GABRA4: variants seen among roughly 807,000 people sequenced by gnomAD.
GABRA4 encodes gamma-aminobutyric acid receptor subunit alpha-4.
Under a neutral mutation model 49.7 loss-of-function variants are expected in GABRA4, and 12 were observed. The ratio of observed to expected loss-of-function variants is 0.24; its 90% CI spans 0.15 to 0.39. The LOEUF is 0.39. Among genes scored for constraint, GABRA4 ranks in the 10% least tolerant of loss-of-function variants. The probability of loss-of-function intolerance (pLI) is 1.00; values close to 1 mark genes in which losing one functional copy is unlikely to be tolerated. For synonymous variants in GABRA4, 288 were observed against 240.2 expected (o/e 1.20, Z -1.84); for missense variants, 506 against 686.0 (o/e 0.74, Z 2.93).
chr4:46,992,770 C>G (rs974634838), intron 2 of GABRA4, 58 bp downstream of exon 2: 2 of 1,205,886 alleles, frequency 1.7e-6, no homozygotes, highest in East Asian at 4.7e-5. Flanking sequence ...GACAGACAGA[C>G]AGGAAGACCA....
intron 2 of GABRA4, chr4:46,992,529 C>T: frequency 2.4e-6 from 1 of 410,158 alleles, no homozygotes; most frequent in Non-Finnish European, 4.5e-6. Flanking sequence ...GTCCAGGCAG[C>T]TGAGCCCAGA....
At chr4:46,931,069 A>G (rs1371587548) in intron 8 of GABRA4, among the ~76,000 whole-genome samples, 1 of 152,098 alleles carries the variant, frequency 6.6e-6, no homozygotes, top group African/African-American at 2.4e-5. Flanking sequence ...CTAAACAAAG[A>G]GAGAACTCCA....
chr4:46,960,680 T>C (rs2109369145), intron 8 of GABRA4, among the ~76,000 whole-genome samples: 1 of 151,748 alleles, frequency 6.6e-6, no homozygotes, highest in South Asian at 2.1e-4. Flanking sequence ...CAAATAATTA[T>C]AATAATATTA....
chr4:46,943,098 C>A (rs977813877), intron 8 of GABRA4, among the ~76,000 whole-genome samples: 12 of 152,166 alleles, frequency 7.9e-5, no homozygotes, highest in Admixed American at 5.9e-4. Context: ...GAGTAGAGAC[C>A]AGCCCAAAGT....
At chr4:46,946,821 T>C (rs1721996686) in intron 8 of GABRA4, among the ~76,000 whole-genome samples, 1 of 152,084 alleles carries the variant, frequency 6.6e-6, no homozygotes, top group South Asian at 2.1e-4. Context: ...TCTTAAGTCA[T>C]CTTTTGAACA....
chr4:46,930,444 A>C (rs756049341), intron 8 of GABRA4, among the ~76,000 whole-genome samples: 3 of 152,090 alleles, frequency 2.0e-5, no homozygotes, highest in Non-Finnish European at 4.4e-5. Flanking sequence ...AAAAAGAACA[A>C]GGTATATCCT....
Position 46,922,559 on chromosome 4 carries a change from A to G in GABRA4, c.*5666T>C, listed in dbSNP as rs1050046475. 1 of 152,204 alleles carries G rather than the reference A, an allele frequency of 6.6e-6. No individual in the cohort carries two copies. Among genetic ancestry groups the G allele is most frequent in the Non-Finnish European group, 1.5e-5 (1 of 68,040 alleles). 9.4% of individuals were successfully genotyped at this position (152,204 alleles called of 1,614,324 possible). On this transcript the variant is annotated 3_prime_UTR_variant, in exon 9 of 9. Coordinates refer to ENST00000264318, the MANE Select transcript of GABRA4 (RefSeq NM_000809.4). Reference sequence around the variant, plus strand: ...AGAGTTTATATAAATAGGTCTCTGTAGTCTCAAAAAATATTATAGACATGA... The same window carrying G: ...AGAGTTTATATAAATAGGTCTCTGTGGTCTCAAAAAATATTATAGACATGA...
At chr4:46,966,380 A>C (rs958865686) in intron 7 of GABRA4, among the ~76,000 whole-genome samples, 1 of 151,810 alleles carries the variant, frequency 6.6e-6, no homozygotes, top group Non-Finnish European at 1.5e-5. Context: ...CAAATAATGC[A>C]TGTTCAACCA....
intron 8 of GABRA4, among the ~76,000 whole-genome samples, chr4:46,930,260 A>G (rs1013810365): frequency 5.3e-5 from 8 of 152,056 alleles, no homozygotes; most frequent in African/African-American, 1.9e-4. Context: ...ATCAAAATTG[A>G]CATCAACCTG....
Position 46,928,095 on chromosome 4 carries a change from CTTATATCTTTAAATGGAAAAA to C in GABRA4, c.*109_*129del. 1.3e-6 allele frequency: 1 copy of C among 784,044 alleles called. No homozygotes were observed. Among genetic ancestry groups the C allele is most frequent in the Non-Finnish European group, 1.9e-6 (1 of 520,418 alleles). The allele number at this position is 784,044 out of a possible 1,614,324, so 48.6% of individuals were successfully genotyped here. A position where few individuals can be genotyped will look rare whatever the true frequency, so the allele number is the denominator to read the frequency against. Reference sequence around the variant, plus strand: ...ATTAATTAACTCTCCCAATAACTGGCTTATATCTTTAAATGGAAAAATTACACAGAGTTTTTATTTTAGTAA... The same window carrying C: ...ATTAATTAACTCTCCCAATAACTGGCTTACACAGAGTTTTTATTTTAGTAA... On this transcript the variant is annotated 3_prime_UTR_variant, in exon 9 of 9. Coordinates refer to ENST00000264318, the MANE Select transcript of GABRA4 (RefSeq NM_000809.4).
intron 6 of GABRA4, 54 bp from the exon 7 acceptor site, chr4:46,971,289 A>G: frequency 6.7e-7 from 1 of 1,502,504 alleles, no homozygotes. Context: ...CAATTAGTCA[A>G]TGGCTTCATA....
intron 8 of GABRA4, among the ~76,000 whole-genome samples, chr4:46,933,735 G>T (rs1241833478): frequency 6.6e-6 from 1 of 152,188 alleles, no homozygotes; most frequent in African/African-American, 2.4e-5. Flanking sequence ...CGTACAGAGT[G>T]TAGAGACTTC....
chr4:46,975,336 A>G (rs1364243651), intron 5 of GABRA4, among the ~76,000 whole-genome samples: 1 of 151,974 alleles, frequency 6.6e-6, no homozygotes, highest in Admixed American at 6.6e-5. Flanking sequence ...CAGTTATATT[A>G]TGTGTCAGCA....
chr4:46,952,523 T>A (rs532883889), intron 8 of GABRA4, among the ~76,000 whole-genome samples: 7 of 152,240 alleles, frequency 4.6e-5, no homozygotes, highest in African/African-American at 1.7e-4. Flanking sequence ...ATAAAATAAG[T>A]CATACCCAAA....
intron 8 of GABRA4, 117 bp from the exon 9 acceptor site, chr4:46,928,872 TA>T: frequency 1.5e-6 from 1 of 665,790 alleles, no homozygotes; most frequent in Non-Finnish European, 2.5e-6. Flanking sequence ...ACTTTATTAA[TA>T]AGCTGTAGTC....
rs759828897 is a variant in GABRA4, at chr4:46,928,374, A to T, written c.1516T>A (p.Ser506Thr). ...CCAGATCCAGAAGGTGGTGGAGCCG[A>T]TGGAGGAGGAGTAGCTGACAACTTC... ...TGKLSATPPP[S>T]APPPSGSGTS... The change falls in exon 9 of 9, where the codon TCG (serine) becomes ACG (threonine). Residue 506 changes from serine to threonine, a missense_variant. By Grantham distance (58) the Ser-to-Thr change is moderately conservative (BLOSUM62 1). Around this residue, in one of 5 missense-constraint regions of GABRA4, gnomAD observed 243 missense variants for 210.8 expected, o/e 1.15. Transcript: ENST00000264318. The T allele has an allele frequency of 1.2e-6, 2 of 1,613,640 alleles. No homozygotes were observed. The highest frequency in any genetic ancestry group is 1.7e-6 in the Non-Finnish European group (2 of 1,179,692).
chr4:46,936,344 G>T (rs575133771), intron 8 of GABRA4, among the ~76,000 whole-genome samples: 1 of 152,264 alleles, frequency 6.6e-6, no homozygotes, highest in Non-Finnish European at 1.5e-5. Context: ...CTGCCTCCCA[G>T]GTTCAAGCAA....
At chr4:46,984,024 T>G (rs1306983057) in intron 2 of GABRA4, among the ~76,000 whole-genome samples, 1 of 152,020 alleles carries the variant, frequency 6.6e-6, no homozygotes, top group Non-Finnish European at 1.5e-5. Context: ...GGGAAGGCAA[T>G]TAACGATGAA....
At chr4:46,979,383 A>G (rs1723270006) in intron 2 of GABRA4, among the ~76,000 whole-genome samples, 1 of 152,088 alleles carries the variant, frequency 6.6e-6, no homozygotes, top group African/African-American at 2.4e-5. Context: ...CAGGCAATGC[A>G]GAGACACAAA....
Sources: gnomAD v4.1 joint callset for allele counts (sites outside exome capture counted in the v4.1 genomes callset) on GRCh38, gnomAD v4.1.1 for gene constraint, gnomAD v4.1.1 regional missense constraint, MANE v1.5 for transcripts, NCBI Gene and HGNC (gene_info 2026-07-23, HGNC 2026-07-21) for gene names.